The following TENM2 variants were observed in gnomAD, a reference collection of about 807,000 sequenced individuals.
TENM2 encodes teneurin transmembrane protein 2.
Under a neutral mutation model 245.2 loss-of-function variants are expected in TENM2, and 52 were observed. The ratio of observed to expected loss-of-function variants is 0.21; its 90% CI spans 0.17 to 0.27. TENM2 has a LOEUF of 0.27. TENM2 is among the 10% of genes least tolerant of loss of function. The pLI is 1.00. For missense variants in TENM2, 3,046 were observed against 3,666.8 expected (o/e 0.83, Z 4.37); for synonymous variants, 1,363 against 1,438.9 (o/e 0.95, Z 1.19).
chr5:168,068,228 T>C (rs1021031402), intron 7 of TENM2, among the ~76,000 whole-genome samples: 7 of 152,042 alleles, frequency 4.6e-5, no homozygotes, highest in Non-Finnish European at 8.8e-5. Context: ...GAGGGCACCA[T>C]GGATGTTTTA....
intron 2 of TENM2, chr5:167,754,888 A>G (rs1762196409): frequency 2.5e-5 from 22 of 881,506 alleles, no homozygotes; most frequent in Non-Finnish European, 3.4e-5. Context: ...GGCTGTCTAC[A>G]GGGAAGGGAG....
At chr5:168,009,384 A>G (rs956048646) in intron 5 of TENM2, among the ~76,000 whole-genome samples, 6 of 152,220 alleles carry the variant, frequency 3.9e-5, no homozygotes, top group African/African-American at 1.4e-4. Flanking sequence ...ATCTGCCTGT[A>G]TATCTGCAAA....
the TENM2 span, among the ~76,000 whole-genome samples, chr5:167,012,056 A>G: frequency 6.6e-6 from 1 of 152,190 alleles, no homozygotes; most frequent in Non-Finnish European, 1.5e-5. Flanking sequence ...CCATAAAATG[A>G]AAATACAGAA....
chr5:167,474,651 A>T (rs1767250853), intron 2 of TENM2, among the ~76,000 whole-genome samples: 1 of 151,870 alleles, frequency 6.6e-6, no homozygotes, highest in Admixed American at 6.6e-5. Flanking sequence ...AGTAGCTGGG[A>T]TTACAGGCGC....
At chr5:168,050,453 G>A (rs1291521502) in intron 6 of TENM2, among the ~76,000 whole-genome samples, 1 of 152,092 alleles carries the variant, frequency 6.6e-6, no homozygotes, top group Non-Finnish European at 1.5e-5. Flanking sequence ...AAGATATATT[G>A]GCAATAAGTT....
chr5:167,194,696 A>G, the TENM2 span, among the ~76,000 whole-genome samples: 5 of 152,034 alleles, frequency 3.3e-5, no homozygotes, highest in Non-Finnish European at 1.5e-5. Context: ...AACCCATTTT[A>G]GCAAGGATCA....
At chr5:168,249,450 C>T (rs900417529) in intron 27 of TENM2, among the ~76,000 whole-genome samples, 1 of 88,668 alleles carries the variant, frequency 1.1e-5, no homozygotes, top group African/African-American at 6.3e-5. Context: ...ACCGTTCTCT[C>T]AAGGTGTGTG....
chr5:167,993,526 A>G (rs1490159033), intron 5 of TENM2, among the ~76,000 whole-genome samples: 4 of 152,178 alleles, frequency 2.6e-5, no homozygotes, highest in African/African-American at 4.8e-5. Context: ...ATTTTAACCC[A>G]GGTCTGTGCT....
At chr5:167,779,564 C>T (rs1764043291) in intron 2 of TENM2, among the ~76,000 whole-genome samples, 1 of 152,154 alleles carries the variant, frequency 6.6e-6, no homozygotes, top group Non-Finnish European at 1.5e-5. Flanking sequence ...TCATATTGTC[C>T]TATACACATG....
At chr5:167,211,558 T>C in the TENM2 span, among the ~76,000 whole-genome samples, 1 of 152,342 alleles carries the variant, frequency 6.6e-6, no homozygotes, top group African/African-American at 2.4e-5. Context: ...GGCTCAGGAA[T>C]GAGTTTTCCT....
chr5:167,822,710 G>A (rs893573743), intron 2 of TENM2, among the ~76,000 whole-genome samples: 4 of 151,808 alleles, frequency 2.6e-5, no homozygotes, highest in African/African-American at 9.7e-5. Flanking sequence ...AATAAAAGAA[G>A]GAGAAGCAAA....
chr5:167,600,604 T>C (rs1228056414), intron 2 of TENM2, among the ~76,000 whole-genome samples: 1 of 152,176 alleles, frequency 6.6e-6, no homozygotes, highest in African/African-American at 2.4e-5. Context: ...GATGAGTTGG[T>C]TATAATTATC....
At chr5:167,917,083 A>G (rs538376728) in intron 3 of TENM2, among the ~76,000 whole-genome samples, 7 of 152,334 alleles carry the variant, frequency 4.6e-5, no homozygotes, top group Non-Finnish European at 7.3e-5. Context: ...ACTGTCAGGC[A>G]TCAGATGCAC....
At chr5:167,575,931 A>G (rs1774638385) in intron 2 of TENM2, among the ~76,000 whole-genome samples, 1 of 152,060 alleles carries the variant, frequency 6.6e-6, no homozygotes, top group South Asian at 2.1e-4. Flanking sequence ...CTCTGACTCC[A>G]GCTACACCTA....
the TENM2 span, among the ~76,000 whole-genome samples, chr5:167,251,832 G>A: frequency 2.6e-5 from 4 of 152,186 alleles, no homozygotes; most frequent in South Asian, 6.2e-4. Context: ...GTTCTGATAC[G>A]CAAAATTAGA....
the TENM2 span, among the ~76,000 whole-genome samples, chr5:166,980,045 A>G: frequency 6.6e-6 from 1 of 152,326 alleles, no homozygotes; most frequent in East Asian, 1.9e-4. Flanking sequence ...AATCATTTGC[A>G]TTCCAAAAGA....
intron 8 of TENM2, among the ~76,000 whole-genome samples, chr5:168,093,171 C>T (rs541052466): frequency 4.6e-5 from 7 of 152,296 alleles, no homozygotes; most frequent in Admixed American, 1.3e-4. Flanking sequence ...TTCTGGGGTT[C>T]GGATTATTTC....
At chr5:167,193,390 C>G in the TENM2 span, among the ~76,000 whole-genome samples, 1 of 150,770 alleles carries the variant, frequency 6.6e-6, no homozygotes, top group East Asian at 2.0e-4. Flanking sequence ...CAGGGGATAT[C>G]TTTGTTTTCT....
At chr5:167,210,621 G>A in the TENM2 span, among the ~76,000 whole-genome samples, 7 of 151,222 alleles carry the variant, frequency 4.6e-5, no homozygotes, top group South Asian at 2.1e-4. Flanking sequence ...CCGCCACCGC[G>A]CCCGGCTAAT....
Sources: gnomAD v4.1 joint callset for allele counts (sites outside exome capture counted in the v4.1 genomes callset) on GRCh38, gnomAD v4.1.1 for gene constraint, MANE v1.5 for transcripts, NCBI Gene and HGNC (gene_info 2026-07-23, HGNC 2026-07-21) for gene names.